The following PLB1 variants were observed in gnomAD, a reference collection of about 807,000 sequenced individuals.
The protein encoded by PLB1 is phospholipase B1, also known as phospholipase B1, membrane-associated.
PLB1 carries 242 observed loss-of-function variants against 227.4 expected under a neutral mutation model. The ratio of observed to expected loss-of-function variants is 1.06; its 90% confidence interval spans 0.96 to 1.18. The LOEUF is 1.18. Among genes scored for constraint, PLB1 ranks in the 50% most tolerant of loss-of-function variants. The probability of loss-of-function intolerance (pLI) is 0.00; values close to 1 mark genes in which losing one functional copy is unlikely to be tolerated. For missense variants in PLB1, 1,858 were observed against 1,816.3 expected (o/e 1.02, Z -0.42); for synonymous variants, 757 against 682.2 (o/e 1.11, Z -1.71).
intron 23 of PLB1, 100 bp from the exon 24 acceptor site, chr2:28,581,968 G>GAA (rs5830085): frequency 5.5e-4 from 543 of 988,180 alleles, no homozygotes; most frequent in African/African-American, 1.8e-3. Flanking sequence ...CTCAAAAAAA[G>GAA]AAAAAAAAAA....
chr2:28,582,589 C>T, intron 25 of PLB1, 84 bp downstream of exon 25: 2 of 1,092,844 alleles, frequency 1.8e-6, no homozygotes, highest in Non-Finnish European at 2.7e-6. Context: ...CTTAGAAAAC[C>T]CAAGGGCCGA....
chr2:28,566,724 G>A, intron 19 of PLB1, 72 bp from the exon 20 acceptor site: 1 of 1,545,592 alleles, frequency 6.5e-7, no homozygotes, highest in Non-Finnish European at 8.9e-7. Context: ...GGCGTTTCTG[G>A]CTAGTGTCTG....
chr2:28,621,830 T>C (rs1376147522), intron 49 of PLB1, among the ~76,000 whole-genome samples: 1 of 152,084 alleles, frequency 6.6e-6, no homozygotes, highest in Non-Finnish European at 1.5e-5. Context: ...TATGAGGTCA[T>C]TATAGCAACA....
intron 1 of PLB1, among the ~76,000 whole-genome samples, chr2:28,497,627 C>A (rs1388062418): frequency 6.6e-6 from 1 of 152,210 alleles, no homozygotes; most frequent in Non-Finnish European, 1.5e-5. Context: ...GCTGCAGAGG[C>A]TGCAGTTTGG....
At chr2:28,525,381 T>C in intron 5 of PLB1, 74 bp downstream of exon 5, 2 of 1,494,126 alleles carry the variant, frequency 1.3e-6, no homozygotes, top group Non-Finnish European at 1.8e-6. Flanking sequence ...GCCTTATTAA[T>C]GGGAAAGATT....
At chr2:28,534,964 G>A (rs1572814153) in intron 9 of PLB1, among the ~76,000 whole-genome samples, 1 of 152,152 alleles carries the variant, frequency 6.6e-6, no homozygotes, top group Admixed American at 6.5e-5. Flanking sequence ...AATAGGCTCT[G>A]CCTCCTAATT....
intron 23 of PLB1, among the ~76,000 whole-genome samples, chr2:28,580,236 C>T (rs780217450): frequency 6.6e-5 from 10 of 152,242 alleles, no homozygotes; most frequent in Non-Finnish European, 1.2e-4. Flanking sequence ...CCTGACAGGG[C>T]ATACCCACTA....
intron 55 of PLB1, among the ~76,000 whole-genome samples, chr2:28,632,741 G>A (rs1371270170): frequency 6.6e-6 from 1 of 151,952 alleles, no homozygotes; most frequent in Non-Finnish European, 1.5e-5. Flanking sequence ...GGCTGACAGT[G>A]CGAAACTCCG....
intron 53 of PLB1, 139 bp from the exon 54 acceptor site, chr2:28,630,447 C>T: frequency 1.6e-6 from 1 of 617,598 alleles, no homozygotes; most frequent in Non-Finnish European, 2.8e-6. Flanking sequence ...ACTTGTGTGT[C>T]ACCCCCCGCC....
At chr2:28,614,977 A>ATGGTCAT (rs1427081790) in intron 44 of PLB1, among the ~76,000 whole-genome samples, 4 of 152,076 alleles carry the variant, frequency 2.6e-5, no homozygotes, top group African/African-American at 7.3e-5. Flanking sequence ...AGGCATGGTC[A>ATGGTCAT]TTTCAGATAG....
chr2:28,610,563 G>C (rs530571109), intron 43 of PLB1, among the ~76,000 whole-genome samples: 2 of 152,246 alleles, frequency 1.3e-5, no homozygotes, highest in East Asian at 3.9e-4. Flanking sequence ...AGTCTTCTCA[G>C]TTCCAGCCAC....
chr2:28,642,151 C>G (rs1416406799), intron 57 of PLB1, among the ~76,000 whole-genome samples: 1 of 152,208 alleles, frequency 6.6e-6, no homozygotes, highest in African/African-American at 2.4e-5. Flanking sequence ...GACACTGACC[C>G]ATGTGGGTCT....
rs748207926 is a variant in PLB1, at chr2:28,642,846, C to T, written c.4174-12C>T. On this transcript the variant is annotated splice_polypyrimidine_tract_variant and intron_variant, in intron 57 of 57. Coordinates refer to ENST00000327757, the MANE Select transcript of PLB1 (RefSeq NM_153021.5). ...GAGATCCTTTCCACTGACCCCCGCT[C>T]CTCCTCCACAGGAGAGCCCTTACCT... The T allele has an allele frequency of 1.5e-5, 24 of 1,576,084 alleles. No homozygotes were observed. Among genetic ancestry groups the T allele is most frequent in the Admixed American group, 1.8e-5 (1 of 55,852 alleles).
chr2:28,634,209 G>A (rs963455199), intron 56 of PLB1, among the ~76,000 whole-genome samples: 2 of 152,110 alleles, frequency 1.3e-5, no homozygotes, highest in East Asian at 1.9e-4. Flanking sequence ...AACTTCTATT[G>A]TACTCTTTCA....
chr2:28,498,365 A>G (rs893171087), intron 1 of PLB1, among the ~76,000 whole-genome samples: 2 of 151,616 alleles, frequency 1.3e-5, no homozygotes, highest in African/African-American at 4.8e-5. Flanking sequence ...CTGGGACCAC[A>G]CACCCACTCA....
intron 26 of PLB1, among the ~76,000 whole-genome samples, chr2:28,586,349 A>T (rs529062438): frequency 1.3e-5 from 2 of 152,212 alleles, no homozygotes; most frequent in African/African-American, 4.8e-5. Context: ...TTGGGAGAGC[A>T]CAAGGAGAAA....
chr2:28,602,694 T>C (rs1684094108), intron 38 of PLB1, 127 bp from the exon 39 acceptor site: 2 of 807,468 alleles, frequency 2.5e-6, no homozygotes, highest in African/African-American at 1.7e-5. Flanking sequence ...CTGTATAGAC[T>C]CCTCCCCAGA....
At chr2:28,505,751 A>G (rs1338075917) in intron 1 of PLB1, among the ~76,000 whole-genome samples, 1 of 152,210 alleles carries the variant, frequency 6.6e-6, no homozygotes, top group Non-Finnish European at 1.5e-5. Context: ...AGTCTTTCTA[A>G]ATAAGAGTAG....
chr2:28,596,711 G>A (rs553157684), intron 33 of PLB1, among the ~76,000 whole-genome samples: 4 of 152,336 alleles, frequency 2.6e-5, no homozygotes, highest in African/African-American at 7.2e-5. Context: ...GCCCATCCAC[G>A]AGCAAGTTAG....
Sources: gnomAD v4.1 joint callset for allele counts (sites outside exome capture counted in the v4.1 genomes callset) on GRCh38, gnomAD v4.1.1 for gene constraint, MANE v1.5 for transcripts, NCBI Gene and HGNC (gene_info 2026-07-23, HGNC 2026-07-21) for gene names.